The following FARP1 variants were observed in gnomAD, a reference collection of about 807,000 sequenced individuals.
FARP1 encodes FERM, ARH/RhoGEF and pleckstrin domain protein 1, also known as FERM, ARHGEF and pleckstrin domain-containing protein 1.
In FARP1, 52 loss-of-function variants were observed where a neutral mutation model predicts 128.8. The ratio of observed to expected loss-of-function variants is 0.40; its 90% CI spans 0.32 to 0.51. FARP1 has a LOEUF of 0.51. Among genes scored for constraint, FARP1 ranks in the 20% least tolerant of loss-of-function variants. The pLI is 0.45. For missense variants in FARP1, 1,333 were observed against 1,367.9 expected, an observed-to-expected ratio of 0.97 and a Z score of 0.40; for synonymous variants, 580 against 551.8, an observed-to-expected ratio of 1.05 and a Z score of -0.72.
chr13:98,241,365 A>G (rs1239342550), intron 2 of FARP1, among the ~76,000 whole-genome samples: 1 of 150,468 alleles, frequency 6.6e-6, no homozygotes, highest in African/African-American at 2.4e-5. Flanking sequence ...TTGATGGGCA[A>G]GGCCCTTAAA....
chr13:98,411,687 C>G (rs1891199373), intron 15 of FARP1, among the ~76,000 whole-genome samples: 1 of 152,178 alleles, frequency 6.6e-6, no homozygotes, highest in Non-Finnish European at 1.5e-5. Flanking sequence ...CTGCAGAAAG[C>G]AGTAATATAC....
chr13:98,350,748 G>T (rs1333982912), intron 3 of FARP1, among the ~76,000 whole-genome samples: 1 of 152,138 alleles, frequency 6.6e-6, no homozygotes, highest in Non-Finnish European at 1.5e-5. Context: ...TGACTGGGGA[G>T]CTACTTCCCC....
At chr13:98,265,382 G>A (rs1357874980) in intron 2 of FARP1, among the ~76,000 whole-genome samples, 1 of 144,174 alleles carries the variant, frequency 6.9e-6, no homozygotes, top group African/African-American at 2.6e-5. Context: ...TGCAGTGGCG[G>A]GATCTCGGCT....
intron 2 of FARP1, among the ~76,000 whole-genome samples, chr13:98,267,151 C>A (rs1594339086): frequency 6.6e-6 from 1 of 152,048 alleles, no homozygotes; most frequent in Non-Finnish European, 1.5e-5. Context: ...TAAATCTGGA[C>A]AAGGGCCACC....
At chr13:98,394,995 C>T (rs1202016351) in intron 12 of FARP1, among the ~76,000 whole-genome samples, 4 of 152,128 alleles carry the variant, frequency 2.6e-5, no homozygotes, top group Admixed American at 6.5e-5. Context: ...GAGACCGGGC[C>T]GGGCTTGTGC....
chr13:98,437,604 C>T (rs556950505), intron 19 of FARP1, among the ~76,000 whole-genome samples: 32 of 152,200 alleles, frequency 2.1e-4, no homozygotes, highest in Non-Finnish European at 4.0e-4. Context: ...GCGGTTGCAG[C>T]GAACTCACTT....
rs1267389516 is a variant in FARP1, at chr13:98,437,602, AG to A, written c.2275-1201del. Among the ~76,000 whole-genome samples the A allele has an allele frequency of 2.6e-5, 4 of 152,112 alleles. No homozygotes were observed. In the South Asian group the frequency reaches 6.2e-4, roughly 24 times the overall value. Reference sequence around the variant, plus strand: ...TGCAGGGTGATAACGCCGCGGTTGCAGCGAACTCACTTGCGTTTTTCTATCA... The same window carrying A: ...TGCAGGGTGATAACGCCGCGGTTGCACGAACTCACTTGCGTTTTTCTATCA... On this transcript the variant is annotated intron_variant, in intron 19 of 26. Coordinates refer to ENST00000319562, the MANE Select transcript of FARP1 (RefSeq NM_005766.4).
chr13:98,179,021 C>G (rs560415786), intron 1 of FARP1, among the ~76,000 whole-genome samples: 1 of 152,256 alleles, frequency 6.6e-6, no homozygotes, highest in East Asian at 1.9e-4. Context: ...TCAGTTGGAA[C>G]CCATCTTTTT....
At chr13:98,377,766 TC>T in intron 5 of FARP1, 54 bp from the exon 6 acceptor site, 3 of 1,337,574 alleles carry the variant, frequency 2.2e-6, no homozygotes, top group Non-Finnish European at 3.2e-6. Flanking sequence ...GAGGCCAGGT[TC>T]CCGGTGACCT....
intron 1 of FARP1, among the ~76,000 whole-genome samples, chr13:98,211,427 G>A (rs1025430041): frequency 8.7e-5 from 13 of 149,996 alleles, no homozygotes; most frequent in South Asian, 2.1e-4. Flanking sequence ...ATTTCATCCC[G>A]CAACCATTGC....
At chr13:98,144,370 TA>T (rs1875349587) in intron 1 of FARP1, among the ~76,000 whole-genome samples, 1 of 152,162 alleles carries the variant, frequency 6.6e-6, no homozygotes, top group Admixed American at 6.5e-5. Context: ...GAGGCCCTGG[TA>T]TCTGATCAGT....
intron 2 of FARP1, among the ~76,000 whole-genome samples, chr13:98,309,235 C>CGGCTCACT (rs1886337469): frequency 8.0e-6 from 1 of 125,272 alleles, no homozygotes; most frequent in Admixed American, 9.5e-5. Flanking sequence ...GGCGCAATCT[C>CGGCTCACT]GGCTCACTGC....
At chr13:98,317,361 G>T (rs1032820481) in intron 2 of FARP1, among the ~76,000 whole-genome samples, 2 of 152,190 alleles carry the variant, frequency 1.3e-5, no homozygotes, top group African/African-American at 4.8e-5. Context: ...CTGGGCTCAA[G>T]GGATCCGCCT....
rs584800 is a variant in FARP1, at chr13:98,385,833, C to T, written c.759+19C>T. On this transcript the variant is annotated intron_variant, in intron 8 of 26. Coordinates refer to ENST00000319562, the MANE Select transcript of FARP1 (RefSeq NM_005766.4). ...GTTTCAGGTGAGAGCCTTGAGAACA[C>T]GGCCTGGTTCCCTTGGTGACAGAGA... 308,452 of 1,611,108 alleles carry T rather than the reference C, an allele frequency of 0.19. 31,271 individuals are homozygous for T. Among genetic ancestry groups the T allele is most frequent in the African/African-American group, 0.35 (26,148 of 74,912 alleles).
rs971430309 is a variant in FARP1 at position 98,454,835 on chromosome 13, A to T, written c.*6518A>T. 1 of 152,278 alleles carries T rather than the reference A, an allele frequency of 6.6e-6. No homozygotes were observed. Among genetic ancestry groups the T allele is most frequent in the Non-Finnish European group, 1.5e-5 (1 of 68,056 alleles). 9.4% of individuals were successfully genotyped at this position (152,278 alleles called of 1,614,324 possible). The stretch of plus-strand genomic sequence containing the variant: ...CCTGCAGAGAGATGATAAGCACCTC[A>T]AGAGGCAGCTCATCTGAGGACAGAG... On this transcript the variant is annotated 3_prime_UTR_variant, in exon 27 of 27. Transcript: ENST00000319562.
intron 1 of FARP1, among the ~76,000 whole-genome samples, chr13:98,181,631 TATTTATTTATTTGAGA>T (rs1035297515): frequency 1.4e-4 from 14 of 97,008 alleles, no homozygotes; most frequent in African/African-American, 6.3e-4. Context: ...TTTATTTATT[TATTTATTTATTTGAGA>T]GAGAGAGAGA....
At chr13:98,308,097 G>A (rs1263789370) in intron 2 of FARP1, among the ~76,000 whole-genome samples, 1 of 123,956 alleles carries the variant, frequency 8.1e-6, no homozygotes, top group Non-Finnish European at 1.6e-5. Flanking sequence ...TTCTTGGACT[G>A]TGAAACCCAC....
intron 2 of FARP1, among the ~76,000 whole-genome samples, chr13:98,299,376 C>T (rs1885829902): frequency 6.6e-6 from 1 of 152,182 alleles, no homozygotes; most frequent in African/African-American, 2.4e-5. Context: ...TAAAAGCATA[C>T]TCTGGCTGGC....
chr13:98,159,130 T>C (rs1319290236), intron 1 of FARP1, among the ~76,000 whole-genome samples: 2 of 152,256 alleles, frequency 1.3e-5, no homozygotes, highest in East Asian at 1.9e-4. Context: ...AGACGCCTTC[T>C]GGCCCATCCT....
Sources: gnomAD v4.1 joint callset for allele counts (sites outside exome capture counted in the v4.1 genomes callset) on GRCh38, gnomAD v4.1.1 for gene constraint, MANE v1.5 for transcripts, NCBI Gene and HGNC (gene_info 2026-07-23, HGNC 2026-07-21) for gene names.